Variants in SHANK2 observed in about 807,000 individuals in gnomAD.
SHANK2 encodes SH3 and multiple ankyrin repeat domains protein 2.
In SHANK2, 43 loss-of-function variants were observed where a neutral mutation model predicts 133.7. That is an observed-to-expected ratio of 0.32 (90% confidence interval 0.25 to 0.41). The LOEUF (loss-of-function observed/expected upper bound fraction) is 0.41, where lower values mean the gene tolerates loss of function less well. Ranked by LOEUF, SHANK2 falls within the 10% of genes least tolerant of loss-of-function variation. The pLI is 1.00. For missense variants in SHANK2, 1,994 were observed against 2,235.8 expected, an observed-to-expected ratio of 0.89 and a Z score of 2.18; for synonymous variants, 1,017 against 952.8, an observed-to-expected ratio of 1.07 and a Z score of -1.24.
At chr11:70,936,264 C>A (rs1376742535) in intron 10 of SHANK2, among the ~76,000 whole-genome samples, 1 of 152,238 alleles carries the variant, frequency 6.6e-6, no homozygotes, top group Non-Finnish European at 1.5e-5. Context: ...GTAATCCCAG[C>A]ACTTTGGGAG....
At chr11:70,712,004 T>G (rs1945796257) in intron 14 of SHANK2, among the ~76,000 whole-genome samples, 1 of 152,076 alleles carries the variant, frequency 6.6e-6, no homozygotes, top group African/African-American at 2.4e-5. Context: ...ACGTCTCCCC[T>G]TACAGAGCTG....
chr11:71,123,469 G>A (rs879975514), intron 3 of SHANK2, among the ~76,000 whole-genome samples: 2 of 152,176 alleles, frequency 1.3e-5, no homozygotes, highest in African/African-American at 4.8e-5. Flanking sequence ...AGGGATATGC[G>A]AGTCTGGGGT....
chr11:70,502,677 T>C (rs1176502865), intron 18 of SHANK2, 119 bp downstream of exon 18: 1 of 1,197,620 alleles, frequency 8.3e-7, no homozygotes. Flanking sequence ...GTGCCTGGGC[T>C]CTCAGAAGTG....
At chr11:70,546,102 T>A (rs1591561781) in intron 17 of SHANK2, among the ~76,000 whole-genome samples, 1 of 53,626 alleles carries the variant, frequency 1.9e-5, no homozygotes, top group Non-Finnish European at 4.5e-5. Context: ...ATTTAATTTT[T>A]TTTTTTTTTT....
At chr11:70,850,460 C>T (rs568675143) in intron 11 of SHANK2, among the ~76,000 whole-genome samples, 1 of 152,300 alleles carries the variant, frequency 6.6e-6, no homozygotes, top group East Asian at 1.9e-4. Flanking sequence ...TTTACCAGCT[C>T]TCCCTCCTGC....
chr11:70,820,979 C>T (rs1005682376), intron 11 of SHANK2, among the ~76,000 whole-genome samples: 3 of 152,256 alleles, frequency 2.0e-5, no homozygotes, highest in South Asian at 4.1e-4. Context: ...GCCTGGGAGA[C>T]GTCCGGCTGG....
intron 10 of SHANK2, among the ~76,000 whole-genome samples, chr11:70,948,518 C>T (rs927472263): frequency 9.9e-5 from 15 of 152,254 alleles, no homozygotes; most frequent in African/African-American, 2.9e-4. Context: ...ACTTCCACTT[C>T]CCTGTTTCTA....
intron 5 of SHANK2, among the ~76,000 whole-genome samples, chr11:71,110,396 C>G (rs1464437953): frequency 2.6e-5 from 4 of 152,156 alleles, no homozygotes; most frequent in Non-Finnish European, 5.9e-5. Flanking sequence ...CGAGATCGCG[C>G]CACTGCACTC....
At chr11:71,216,521 G>A (rs543832394) in intron 2 of SHANK2, among the ~76,000 whole-genome samples, 91 of 152,092 alleles carry the variant, frequency 6.0e-4, no homozygotes, top group African/African-American at 1.8e-3. Flanking sequence ...GTTTTGGGGG[G>A]GAATATAAAA....
rs550127945 is a variant in SHANK2, at chr11:70,654,720, CCTT to C, written c.2061+5105_2061+5107del. Among the ~76,000 whole-genome samples, 387 of 151,616 alleles carry C rather than the reference CCTT, an allele frequency of 2.6e-3. 1 individual carries two copies. Among genetic ancestry groups the C allele is most frequent in the South Asian group, 5.2e-3 (25 of 4,776 alleles). The stretch of plus-strand genomic sequence containing the variant: ...GCCCCGCCCCCTCCCTGCCCCAACT[CCTT>C]GTTTTTGCCACACTGTAATTGCTAC... On this transcript the variant is annotated intron_variant, in intron 17 of 25. Coordinates refer to ENST00000601538, the MANE Select transcript of SHANK2 (RefSeq NM_012309.5).
chr11:70,715,976 G>A (rs781869419), intron 14 of SHANK2, among the ~76,000 whole-genome samples: 10 of 152,266 alleles, frequency 6.6e-5, no homozygotes, highest in Admixed American at 2.6e-4. Context: ...TGGACAGGGC[G>A]TCTGGAGGGG....
intron 12 of SHANK2, among the ~76,000 whole-genome samples, chr11:70,811,201 G>A (rs1045711845): frequency 1.1e-4 from 16 of 152,290 alleles, no homozygotes; most frequent in African/African-American, 3.6e-4. Context: ...AAGGCTGACA[G>A]TAGCTGGGGC....
At chr11:70,910,880 T>C (rs1160696613) in intron 10 of SHANK2, 2 of 430,678 alleles carry the variant, frequency 4.6e-6, no homozygotes, top group Non-Finnish European at 9.4e-6. Context: ...CACAATTGTT[T>C]ACATGTTGCT....
At chr11:71,080,806 C>G (rs1951289089) in intron 8 of SHANK2, among the ~76,000 whole-genome samples, 1 of 152,336 alleles carries the variant, frequency 6.6e-6, no homozygotes, top group East Asian at 1.9e-4. Flanking sequence ...TGCTCCGTGG[C>G]CCCGCATACC....
chr11:71,181,311 T>G (rs915438275), intron 2 of SHANK2, among the ~76,000 whole-genome samples: 24 of 152,130 alleles, frequency 1.6e-4, no homozygotes, highest in African/African-American at 5.5e-4. Context: ...AAGAAGCCAC[T>G]GGGTAACAAG....
intron 11 of SHANK2, among the ~76,000 whole-genome samples, chr11:70,854,378 G>GT (rs1438482286): frequency 6.6e-6 from 1 of 152,186 alleles, no homozygotes; most frequent in Non-Finnish European, 1.5e-5. Context: ...CCAGTGCCTT[G>GT]TAACTGTGGC....
intron 2 of SHANK2, among the ~76,000 whole-genome samples, chr11:71,159,414 G>T (rs1438606476): frequency 6.6e-6 from 1 of 152,112 alleles, no homozygotes; most frequent in Non-Finnish European, 1.5e-5. Context: ...GATAACCCAA[G>T]ATAATTCCTC....
intron 25 of SHANK2, chr11:70,475,221 C>T (rs1295972663): frequency 2.0e-5 from 3 of 152,274 alleles, no homozygotes; most frequent in African/African-American, 7.2e-5. Context: ...ACTGGTGGGC[C>T]GTGAGGACTC....
chr11:71,093,747 C>T (rs1951557694), intron 7 of SHANK2, among the ~76,000 whole-genome samples: 1 of 152,180 alleles, frequency 6.6e-6, no homozygotes, highest in South Asian at 2.1e-4. Flanking sequence ...ACTCCGATCT[C>T]ACATTTCTTT....
Sources: allele counts gnomAD v4.1 joint callset (sites outside exome capture counted in the v4.1 genomes callset), GRCh38; gene constraint gnomAD v4.1.1; transcripts MANE v1.5; gene names NCBI Gene and HGNC (gene_info 2026-07-23, HGNC 2026-07-21).